ST6GAL1: variants seen among roughly 807,000 people sequenced by gnomAD.
ST6GAL1 encodes the protein beta-galactoside alpha-2,6-sialyltransferase 1.
In ST6GAL1, 20 loss-of-function variants were observed where a neutral mutation model predicts 38.0. The observed-to-expected ratio is 0.53, with a 90% CI of 0.37 to 0.77. The LOEUF (loss-of-function observed/expected upper bound fraction) is 0.77, where lower values mean the gene tolerates loss of function less well. Ranked by LOEUF, ST6GAL1 falls within the 30% of genes least tolerant of loss-of-function variation. ST6GAL1 has a pLI of 0.00. For synonymous variants in ST6GAL1, 196 were observed against 188.2 expected, an observed-to-expected ratio of 1.04 and a Z score of -0.34; for missense variants, 432 against 496.4, an observed-to-expected ratio of 0.87 and a Z score of 1.23.
At chr3:187,011,426 C>A (rs1023230325) in intron 2 of ST6GAL1, among the ~76,000 whole-genome samples, 7 of 152,148 alleles carry the variant, frequency 4.6e-5, no homozygotes, top group African/African-American at 1.7e-4. Flanking sequence ...ATTTTTCTGA[C>A]CCTCAGATTT....
At chr3:186,939,920 A>G (rs749045997) in intron 1 of ST6GAL1, among the ~76,000 whole-genome samples, 4 of 152,210 alleles carry the variant, frequency 2.6e-5, no homozygotes, top group African/African-American at 9.6e-5. Context: ...CACCCCATCT[A>G]TGGGAAGACA....
At chr3:186,985,352 C>A (rs1395383075) in intron 2 of ST6GAL1, among the ~76,000 whole-genome samples, 1 of 151,894 alleles carries the variant, frequency 6.6e-6, no homozygotes, top group Non-Finnish European at 1.5e-5. Flanking sequence ...TGTTGATCTT[C>A]ATCTGGGTTA....
At position 187,024,503 on chromosome 3, in the gene ST6GAL1, G is replaced by T. The variant is rs982815229; in HGVS notation, c.-182-14239G>T. ...ATATATATATATATATAGAGAGAGAGAGAGAGAGAGAGAGAGAGAGTATAT... is the reference window on the plus strand; with the variant it reads ...ATATATATATATATATAGAGAGAGATAGAGAGAGAGAGAGAGAGAGTATAT... On this transcript the variant is annotated intron_variant, in intron 2 of 7. Coordinates refer to ENST00000169298, the MANE Select transcript of ST6GAL1 (RefSeq NM_173216.2). Among the ~76,000 whole-genome samples, 1,377 of 146,908 alleles carry T rather than the reference G, an allele frequency of 9.4e-3. 18 individuals carry two copies. The highest frequency in any genetic ancestry group is 0.029 in the African/African-American group (1,164 of 39,940).
chr3:187,043,593 A>G (rs756860685), intron 4 of ST6GAL1: 1 of 220,478 alleles, frequency 4.5e-6, no homozygotes, highest in Non-Finnish European at 9.0e-6. Flanking sequence ...TGATACGTGT[A>G]TTCAATGTGT....
At chr3:186,955,885 G>T (rs1052648493) in intron 1 of ST6GAL1, among the ~76,000 whole-genome samples, 2 of 152,070 alleles carry the variant, frequency 1.3e-5, no homozygotes, top group Non-Finnish European at 2.9e-5. Flanking sequence ...GTATTCCAAG[G>T]TATTTTATTC....
chr3:186,937,892 G>A (rs201219955), intron 1 of ST6GAL1, among the ~76,000 whole-genome samples: 1 of 152,102 alleles, frequency 6.6e-6, no homozygotes, highest in African/African-American at 2.4e-5. Context: ...GGCCAACATG[G>A]TGAAACCCTG....
At chr3:187,074,640 T>C (rs1173720443) in intron 7 of ST6GAL1, among the ~76,000 whole-genome samples, 1 of 152,044 alleles carries the variant, frequency 6.6e-6, no homozygotes, top group African/African-American at 2.4e-5. Context: ...GACAGTTGCT[T>C]ATAGCCTCAT....
intron 2 of ST6GAL1, among the ~76,000 whole-genome samples, chr3:187,003,121 G>A (rs1716673279): frequency 6.6e-6 from 1 of 152,180 alleles, no homozygotes; most frequent in Non-Finnish European, 1.5e-5. Context: ...ATGCCAGTTG[G>A]CCTAAGGCCT....
chr3:186,972,174 A>G (rs1476317730), intron 2 of ST6GAL1, among the ~76,000 whole-genome samples: 1 of 152,110 alleles, frequency 6.6e-6, no homozygotes, highest in Non-Finnish European at 1.5e-5. Flanking sequence ...GTAAGTTGGA[A>G]TTTGAACCTG....
At chr3:186,947,399 G>A (rs1236031815) in intron 1 of ST6GAL1, among the ~76,000 whole-genome samples, 1 of 152,196 alleles carries the variant, frequency 6.6e-6, no homozygotes, top group African/African-American at 2.4e-5. Flanking sequence ...TCCCTGTGCT[G>A]CCTGCACAGC....
chr3:186,961,045 T>A (rs964422627), intron 1 of ST6GAL1, among the ~76,000 whole-genome samples: 4 of 151,356 alleles, frequency 2.6e-5, no homozygotes, highest in African/African-American at 9.7e-5. Flanking sequence ...CTCGGCTCAC[T>A]GCAAATTTGC....
At chr3:187,003,186 AAAC>A (rs1335153353) in intron 2 of ST6GAL1, among the ~76,000 whole-genome samples, 4 of 152,148 alleles carry the variant, frequency 2.6e-5, no homozygotes, top group Admixed American at 2.0e-4. Context: ...AACCAAACCA[AAAC>A]AACAACAGCA....
intron 5 of ST6GAL1, among the ~76,000 whole-genome samples, chr3:187,055,913 G>C (rs987181814): frequency 6.6e-6 from 1 of 152,102 alleles, no homozygotes; most frequent in Non-Finnish European, 1.5e-5. Context: ...GGGTGTTGAA[G>C]TCTCCTATTA....
At chr3:187,027,028 G>A (rs1245424044) in intron 2 of ST6GAL1, among the ~76,000 whole-genome samples, 1 of 151,648 alleles carries the variant, frequency 6.6e-6, no homozygotes, top group Non-Finnish European at 1.5e-5. Flanking sequence ...CAGCCTGGGC[G>A]ACAGAGGGAG....
At chr3:186,976,885 A>G (rs1715538167) in intron 2 of ST6GAL1, among the ~76,000 whole-genome samples, 1 of 152,218 alleles carries the variant, frequency 6.6e-6, no homozygotes, top group Non-Finnish European at 1.5e-5. Context: ...GTATTTCTTC[A>G]GTCACTCATA....
chr3:186,992,300 T>A (rs1716199407), intron 2 of ST6GAL1, among the ~76,000 whole-genome samples: 1 of 152,140 alleles, frequency 6.6e-6, no homozygotes, highest in Non-Finnish European at 1.5e-5. Context: ...TACTTCCTCC[T>A]GCTGCCTTGT....
intron 2 of ST6GAL1, among the ~76,000 whole-genome samples, chr3:186,972,740 G>T (rs561474005): frequency 6.6e-6 from 1 of 152,248 alleles, no homozygotes; most frequent in South Asian, 2.1e-4. Context: ...CTGACGAACT[G>T]GGGTAAGGCA....
chr3:186,985,078 T>A (rs959809022), intron 2 of ST6GAL1, among the ~76,000 whole-genome samples: 1 of 151,744 alleles, frequency 6.6e-6, no homozygotes, highest in African/African-American at 2.4e-5. Context: ...ATGGCTAATT[T>A]TTGTATTTTT....
intron 2 of ST6GAL1, among the ~76,000 whole-genome samples, chr3:186,993,880 C>G (rs1271757070): frequency 6.6e-6 from 1 of 152,082 alleles, no homozygotes; most frequent in Non-Finnish European, 1.5e-5. Flanking sequence ...GTAAGCGATA[C>G]TTATAACAAT....
Sources: gnomAD v4.1 joint callset for allele counts (sites outside exome capture counted in the v4.1 genomes callset) on GRCh38, gnomAD v4.1.1 for gene constraint, MANE v1.5 for transcripts, NCBI Gene and HGNC (gene_info 2026-07-23, HGNC 2026-07-21) for gene names.